The following ANKRD44 variants were observed in gnomAD, a reference collection of about 807,000 sequenced individuals.
The protein encoded by ANKRD44 is serine/threonine-protein phosphatase 6 regulatory ankyrin repeat subunit B.
A neutral mutation model predicts 116.0 loss-of-function variants in ANKRD44; 35 were observed. That is an observed-to-expected ratio of 0.30 (90% CI 0.23 to 0.40). The LOEUF is 0.40. Among genes scored for constraint, ANKRD44 ranks in the 10% least tolerant of loss-of-function variants. The pLI, the probability that ANKRD44 is intolerant of heterozygous loss-of-function variation, is 1.00. For missense variants in ANKRD44, 1,014 were observed against 1,242.6 expected, an observed-to-expected ratio of 0.82 and a Z score of 2.77; for synonymous variants, 435 against 461.8, an observed-to-expected ratio of 0.94 and a Z score of 0.74.
intron 9 of ANKRD44, among the ~76,000 whole-genome samples, chr2:197,107,915 A>T: frequency 6.6e-6 from 1 of 152,252 alleles, no homozygotes; most frequent in East Asian, 1.9e-4. Context: ...AGGGCATTTT[A>T]AAAAATGTCA....
chr2:197,167,284 G>A (rs1442229451), intron 2 of ANKRD44, among the ~76,000 whole-genome samples: 2 of 151,634 alleles, frequency 1.3e-5, no homozygotes. Flanking sequence ...TCATATACAT[G>A]CCACTATATT....
At chr2:197,235,484 C>T (rs7557386) in intron 1 of ANKRD44, among the ~76,000 whole-genome samples, 25,615 of 151,704 alleles carry the variant, frequency 0.17, 2,419 homozygotes, top group Middle Eastern at 0.3. Context: ...GGCATGGTGG[C>T]GGGCGCCTGT....
intron 1 of ANKRD44, among the ~76,000 whole-genome samples, chr2:197,237,122 A>G (rs1283726414): frequency 6.6e-6 from 1 of 152,166 alleles, no homozygotes; most frequent in Non-Finnish European, 1.5e-5. Flanking sequence ...TCAACTGTCG[A>G]TCTTGTATAA....
chr2:197,013,470 A>G, intron 18 of ANKRD44, 41 bp downstream of exon 18: 1 of 1,593,602 alleles, frequency 6.3e-7, no homozygotes, highest in Non-Finnish European at 8.6e-7. Context: ...CTTACGAACA[A>G]GCCACAAAAC....
At chr2:197,248,355 G>A (rs1405174915) in intron 1 of ANKRD44, among the ~76,000 whole-genome samples, 1 of 151,964 alleles carries the variant, frequency 6.6e-6, no homozygotes, top group Non-Finnish European at 1.5e-5. Context: ...GAGTGGAACA[G>A]CATCATCAGC....
chr2:197,116,184 C>T lies in ANKRD44; in HGVS notation c.906+5148G>A, dbSNP rs549997331. On this transcript the variant is annotated intron_variant, in intron 8 of 27. Coordinates refer to ENST00000282272, the MANE Select transcript of ANKRD44 (RefSeq NM_001195144.2). ...TGGTCAGTTAACTGGGAGCAGTAGGCCGGTGTGCCAGAGAGTAGCCTTCTA... is the reference window on the plus strand; with the variant it reads ...TGGTCAGTTAACTGGGAGCAGTAGGTCGGTGTGCCAGAGAGTAGCCTTCTA... Among the ~76,000 whole-genome samples, 4 of 152,286 alleles carry T rather than the reference C, an allele frequency of 2.6e-5. No individual in the cohort carries two copies. The East Asian group carries it at 7.7e-4, about 29-fold the overall frequency.
At chr2:197,009,123 T>A in intron 18 of ANKRD44, 92 bp from the exon 19 acceptor site, 1 of 1,049,228 alleles carries the variant, frequency 9.5e-7, no homozygotes, top group Non-Finnish European at 1.4e-6. Flanking sequence ...GATGGAGTCT[T>A]GCTCTGTCGC....
intron 1 of ANKRD44, among the ~76,000 whole-genome samples, chr2:197,260,199 G>C (rs977171527): frequency 6.6e-6 from 1 of 151,432 alleles, no homozygotes; most frequent in African/African-American, 2.4e-5. Flanking sequence ...TCGTCATTTA[G>C]CATTAGGTAT....
intron 1 of ANKRD44, among the ~76,000 whole-genome samples, chr2:197,191,692 T>C (rs1460401112): frequency 6.6e-6 from 1 of 152,152 alleles, no homozygotes; most frequent in Non-Finnish European, 1.5e-5. Context: ...TCAGGATGTG[T>C]AATTAAGGAA....
chr2:197,002,523 T>A (rs28733154), intron 21 of ANKRD44, among the ~76,000 whole-genome samples: 6,958 of 152,292 alleles, frequency 0.046, 548 homozygotes, highest in African/African-American at 0.16. Context: ...TCTCTGAGCC[T>A]CAGTTTCTCA....
At chr2:197,222,784 GTTGAT>G (rs1396742902) in intron 1 of ANKRD44, among the ~76,000 whole-genome samples, 3 of 151,454 alleles carry the variant, frequency 2.0e-5, no homozygotes, top group South Asian at 2.1e-4. Flanking sequence ...TTTCAAGGTA[GTTGAT>G]TTATTTATTT....
In ANKRD44 at chr2:196,987,115, A is replaced by G; in HGVS notation, c.*2476T>C. 1.0e-6 allele frequency: 1 copy of G among 984,648 alleles called. No individual in the cohort carries two copies. Among genetic ancestry groups the G allele is most frequent in the African/African-American group, 1.7e-5 (1 of 57,360 alleles). The allele number at this position is 984,648 out of a possible 1,614,324, so 61.0% of individuals were successfully genotyped here. On this transcript the variant is annotated 3_prime_UTR_variant, in exon 28 of 28. Coordinates refer to ENST00000282272, the MANE Select transcript of ANKRD44 (RefSeq NM_001195144.2). ...TCACATAAGAAACGCATAGAATTAC[A>G]TTTTATACAAACACTCAGATTGTCA...
intron 1 of ANKRD44, among the ~76,000 whole-genome samples, chr2:197,241,118 C>G (rs1248457805): frequency 6.6e-6 from 1 of 152,056 alleles, no homozygotes; most frequent in Non-Finnish European, 1.5e-5. Flanking sequence ...TGAGGCCTAC[C>G]AAGAGATCGG....
chr2:197,090,140 A>G, intron 10 of ANKRD44, 108 bp from the exon 11 acceptor site: 1 of 800,666 alleles, frequency 1.2e-6, no homozygotes, highest in Non-Finnish European at 2.1e-6. Context: ...CACCTTGTGT[A>G]GGGAGTCTTG....
intron 9 of ANKRD44, among the ~76,000 whole-genome samples, chr2:197,105,809 G>A (rs989532343): frequency 1.3e-5 from 2 of 152,180 alleles, no homozygotes; most frequent in Non-Finnish European, 2.9e-5. Flanking sequence ...GCAATCCAGT[G>A]TGCACGTATC....
At chr2:197,036,279 G>T (rs1033317741) in intron 16 of ANKRD44, among the ~76,000 whole-genome samples, 1 of 151,970 alleles carries the variant, frequency 6.6e-6, no homozygotes, top group African/African-American at 2.4e-5. Flanking sequence ...TTTATTTAGA[G>T]ACAGAGTCTC....
At chr2:197,147,202 T>C (rs2079527365) in intron 2 of ANKRD44, 97 bp from the exon 3 acceptor site, 1 of 979,580 alleles carries the variant, frequency 1.0e-6, no homozygotes, top group Admixed American at 2.0e-5. Context: ...CTGTGGTTAA[T>C]GCATGTGGAA....
At chr2:197,173,604 C>T (rs984164482) in intron 2 of ANKRD44, among the ~76,000 whole-genome samples, 6 of 151,964 alleles carry the variant, frequency 3.9e-5, no homozygotes, top group Non-Finnish European at 7.4e-5. Flanking sequence ...ATATGGGAGA[C>T]CTATATATTG....
intron 27 of ANKRD44, chr2:196,990,103 A>G: frequency 1.0e-6 from 1 of 1,003,214 alleles, no homozygotes; most frequent in South Asian, 4.3e-5. Context: ...ATCCTCAGAA[A>G]GAAGTTCTGG....
Sources: allele counts gnomAD v4.1 joint callset (sites outside exome capture counted in the v4.1 genomes callset), GRCh38; gene constraint gnomAD v4.1.1; transcripts MANE v1.5; gene names NCBI Gene and HGNC (gene_info 2026-07-23, HGNC 2026-07-21).